Variants in PYGO1 observed in about 807,000 individuals in gnomAD.
PYGO1 encodes pygopus homolog 1.
A neutral mutation model predicts 29.5 loss-of-function variants in PYGO1; 6 were observed. The ratio of observed to expected loss-of-function variants is 0.20; its 90% confidence interval spans 0.11 to 0.40. The LOEUF is 0.40. Ranked by LOEUF, PYGO1 falls within the 10% of genes least tolerant of loss-of-function variation. The pLI, the probability that PYGO1 is intolerant of heterozygous loss-of-function variation, is 1.00. For missense variants in PYGO1, 515 were observed against 514.9 expected, an observed-to-expected ratio of 1.00 and a Z score of 0.00; for synonymous variants, 186 against 180.5, an observed-to-expected ratio of 1.03 and a Z score of -0.24.
intron 1 of PYGO1, among the ~76,000 whole-genome samples, chr15:55,576,222 C>T (rs1046871890): frequency 7.3e-5 from 11 of 150,422 alleles, no homozygotes; most frequent in African/African-American, 2.5e-4. Flanking sequence ...TTTGGGAGGC[C>T]GAGGCGGGCG....
chr15:55,553,154 A>T (rs2058887502), intron 1 of PYGO1, among the ~76,000 whole-genome samples: 1 of 151,916 alleles, frequency 6.6e-6, no homozygotes, highest in Non-Finnish European at 1.5e-5. Flanking sequence ...CTTAAGTGGG[A>T]CCCTGATCCA....
In PYGO1 at chr15:55,549,345, A is replaced by T. The variant is rs535950071; in HGVS notation, c.50-350T>A. On this transcript the variant is annotated intron_variant, in intron 1 of 2. Coordinates refer to ENST00000563719, the MANE Select transcript of PYGO1 (RefSeq NM_001367806.1). Reference sequence around the variant, plus strand: ...AGATATATTAAAGTATATTATTATTATTTTTTTGGCGGGGAGGACACAAAT... The same window carrying T: ...AGATATATTAAAGTATATTATTATTTTTTTTTTGGCGGGGAGGACACAAAT... Among the ~76,000 whole-genome samples the T allele has an allele frequency of 3.0e-4, 46 of 152,100 alleles. 1 individual carries two copies. Among genetic ancestry groups the T allele is most frequent in the Non-Finnish European group, 5.0e-4 (34 of 67,986 alleles).
chr15:55,569,346 T>C (rs34892049), intron 1 of PYGO1, among the ~76,000 whole-genome samples: 1 of 141,928 alleles, frequency 7.0e-6, no homozygotes, highest in Non-Finnish European at 1.6e-5. Flanking sequence ...TTTGTTCTTG[T>C]TTTTCTAGTT....
chr15:55,577,328 A>AT (rs1196687625), intron 1 of PYGO1, among the ~76,000 whole-genome samples: 3 of 152,168 alleles, frequency 2.0e-5, no homozygotes, highest in African/African-American at 7.2e-5. Flanking sequence ...CAATGTATCA[A>AT]TATTAGTTGA....
At chr15:55,560,861 C>T (rs779675700) in intron 1 of PYGO1, among the ~76,000 whole-genome samples, 4 of 152,128 alleles carry the variant, frequency 2.6e-5, no homozygotes, top group Non-Finnish European at 5.9e-5. Flanking sequence ...ACTCGGGAGG[C>T]TGAGGCAGCA....
At chr15:55,562,818 G>C in intron 1 of PYGO1, among the ~76,000 whole-genome samples, 1 of 152,176 alleles carries the variant, frequency 6.6e-6, no homozygotes, top group East Asian at 1.9e-4. Flanking sequence ...AAAAAGGAAT[G>C]AGAACAAGTC....
intron 1 of PYGO1, among the ~76,000 whole-genome samples, chr15:55,586,824 C>A (rs2059048665): frequency 6.6e-6 from 1 of 152,226 alleles, no homozygotes. Context: ...TACTTCCCAT[C>A]CCCACACATA....
At position 55,566,775 on chromosome 15, in the gene PYGO1, G is replaced by C. The variant is rs188589993; in HGVS notation, c.50-17780C>G. ...AGACAAGGTCTCACTCTATTGCCCAGGCTGGAGTGCAGTGGCGTGATCACA... is the reference window on the plus strand; with the variant it reads ...AGACAAGGTCTCACTCTATTGCCCACGCTGGAGTGCAGTGGCGTGATCACA... On this transcript the variant is annotated intron_variant, in intron 1 of 2. Coordinates refer to ENST00000563719, the MANE Select transcript of PYGO1 (RefSeq NM_001367806.1). 1.6e-4 allele frequency among the ~76,000 whole-genome samples: 24 copies of C among 152,282 alleles called. No individual in the cohort carries two copies. The East Asian group carries it at 4.6e-3, about 29-fold the overall frequency.
At position 55,542,024 on chromosome 15, in the gene PYGO1, T is replaced by C. The variant is rs1345894878; in HGVS notation, c.*3999A>G. 6.6e-6 allele frequency: 1 copy of C among 152,102 alleles called. No homozygotes were observed. Among genetic ancestry groups the C allele is most frequent in the Non-Finnish European group, 1.5e-5 (1 of 68,006 alleles). 9.4% of individuals were successfully genotyped at this position (152,102 alleles called of 1,614,324 possible). A position where few individuals can be genotyped will look rare whatever the true frequency, so the allele number is the denominator to read the frequency against. ...AATTTTTTTTTAATTGAAAAAGATA[T>C]AAAACAGCACAAATGTCCATGCATA... On this transcript the variant is annotated 3_prime_UTR_variant, in exon 3 of 3. Coordinates refer to ENST00000563719, the MANE Select transcript of PYGO1 (RefSeq NM_001367806.1).
At chr15:55,566,409 T>C (rs2058956956) in intron 1 of PYGO1, among the ~76,000 whole-genome samples, 1 of 151,606 alleles carries the variant, frequency 6.6e-6, no homozygotes, top group South Asian at 2.1e-4. Flanking sequence ...AAGATTTCAT[T>C]CTTTTTTTTT....
intron 1 of PYGO1, among the ~76,000 whole-genome samples, chr15:55,584,181 A>G (rs1228429475): frequency 7.0e-6 from 1 of 142,934 alleles, no homozygotes; most frequent in East Asian, 2.1e-4. Flanking sequence ...GAATGGTGCG[A>G]TCTCAGCTCA....
Position 55,553,265 on chromosome 15 carries a change from G to A in PYGO1, c.50-4270C>T, listed in dbSNP as rs529560555. 9.9e-5 allele frequency among the ~76,000 whole-genome samples: 15 copies of A among 152,282 alleles called. No individual in the cohort carries two copies. In the South Asian group the frequency reaches 3.1e-3, roughly 32 times the overall value. Reference sequence around the variant, plus strand: ...CATGATGGAGCCCCTGGGGAAAGGGGCAGCTGCTGTCTCTGCAGTTCAGTA... The same window carrying A: ...CATGATGGAGCCCCTGGGGAAAGGGACAGCTGCTGTCTCTGCAGTTCAGTA... On this transcript the variant is annotated intron_variant, in intron 1 of 2. Coordinates refer to ENST00000563719, the MANE Select transcript of PYGO1 (RefSeq NM_001367806.1).
chr15:55,558,046 G>A (rs1004980419), intron 1 of PYGO1, among the ~76,000 whole-genome samples: 1 of 152,160 alleles, frequency 6.6e-6, no homozygotes, highest in South Asian at 2.1e-4. Context: ...TAGGAAAAGA[G>A]GAAGTCAAAT....
At chr15:55,562,481 G>C (rs919898410) in intron 1 of PYGO1, among the ~76,000 whole-genome samples, 3 of 152,092 alleles carry the variant, frequency 2.0e-5, no homozygotes, top group Non-Finnish European at 4.4e-5. Flanking sequence ...AGACCAACCT[G>C]GCCAACATGG....
chr15:55,568,601 G>A (rs1408937511), intron 1 of PYGO1, among the ~76,000 whole-genome samples: 2 of 152,036 alleles, frequency 1.3e-5, no homozygotes, highest in Non-Finnish European at 2.9e-5. Flanking sequence ...TCTCTTGCCT[G>A]AGTGCTCTAA....
chr15:55,584,808 A>G (rs1236125509), intron 1 of PYGO1, among the ~76,000 whole-genome samples: 2 of 152,224 alleles, frequency 1.3e-5, no homozygotes, highest in Non-Finnish European at 2.9e-5. Flanking sequence ...CTGTGTCACT[A>G]AAGAGTAATT....
At chr15:55,587,456 C>T (rs2141683179) in intron 1 of PYGO1, among the ~76,000 whole-genome samples, 1 of 151,668 alleles carries the variant, frequency 6.6e-6, no homozygotes, top group East Asian at 1.9e-4. Flanking sequence ...TGTACTCCAA[C>T]TTACTTTTTT....
intron 1 of PYGO1, among the ~76,000 whole-genome samples, chr15:55,555,564 C>T (rs1001520383): frequency 6.7e-6 from 1 of 148,998 alleles, no homozygotes; most frequent in Non-Finnish European, 1.5e-5. Context: ...AGGAGATATA[C>T]CTAATGCTAA....
chr15:55,561,151 G>A (rs992916697), intron 1 of PYGO1, among the ~76,000 whole-genome samples: 2 of 152,076 alleles, frequency 1.3e-5, no homozygotes, highest in African/African-American at 2.4e-5. Flanking sequence ...ACAGAACAAC[G>A]AAACAGAAGA....
Sources: allele counts gnomAD v4.1 joint callset (sites outside exome capture counted in the v4.1 genomes callset), GRCh38; gene constraint gnomAD v4.1.1; transcripts MANE v1.5; gene names NCBI Gene and HGNC (gene_info 2026-07-23, HGNC 2026-07-21).